Variants in GRAMD2B observed in about 807,000 individuals in gnomAD.
GRAMD2B encodes GRAM domain containing 2B.
Under a neutral mutation model 59.2 loss-of-function variants are expected in GRAMD2B, and 41 were observed. The observed-to-expected ratio is 0.69, with a 90% CI of 0.54 to 0.90. The LOEUF is 0.90. GRAMD2B is among the 40% of genes least tolerant of loss of function. The pLI, the probability that GRAMD2B is intolerant of heterozygous loss-of-function variation, is 0.00. For missense variants in GRAMD2B, 424 were observed against 500.5 expected (o/e 0.85, Z 1.46); for synonymous variants, 161 against 182.7 (o/e 0.88, Z 0.96).
At chr5:126,439,328 CTTTTT>C (rs930960414) in intron 1 of GRAMD2B, among the ~76,000 whole-genome samples, 2 of 122,566 alleles carry the variant, frequency 1.6e-5, no homozygotes, top group Admixed American at 8.1e-5. Flanking sequence ...TTTGGTTTTG[CTTTTT>C]TTTTTTTTTT....
At chr5:126,448,956 G>A (rs1242009597) in intron 1 of GRAMD2B, among the ~76,000 whole-genome samples, 2 of 152,176 alleles carry the variant, frequency 1.3e-5, no homozygotes, top group Admixed American at 6.5e-5. Flanking sequence ...ATGGTGTCAC[G>A]GGTATGAATG....
intron 1 of GRAMD2B, among the ~76,000 whole-genome samples, chr5:126,413,391 A>G (rs931878148): frequency 6.6e-6 from 1 of 152,060 alleles, no homozygotes; most frequent in Non-Finnish European, 1.5e-5. Flanking sequence ...AAGTTTTTAA[A>G]TTTCCATGTA....
At chr5:126,365,390 A>G (rs543724069) in intron 1 of GRAMD2B, among the ~76,000 whole-genome samples, 1 of 152,272 alleles carries the variant, frequency 6.6e-6, no homozygotes, top group Non-Finnish European at 1.5e-5. Flanking sequence ...ATCAATTTGC[A>G]TAAAATCAAA....
At chr5:126,462,116 A>C (rs1275823672) in intron 1 of GRAMD2B, among the ~76,000 whole-genome samples, 1 of 152,242 alleles carries the variant, frequency 6.6e-6, no homozygotes, top group African/African-American at 2.4e-5. Flanking sequence ...ATATTTGTTG[A>C]AAAAGGAGGA....
rs1040803972 is a variant in GRAMD2B, at chr5:126,398,739, T to C, written c.125+27172T>C. 3.3e-5 allele frequency among the ~76,000 whole-genome samples: 5 copies of C among 152,188 alleles called. No homozygotes were observed. In the East Asian group the frequency reaches 9.6e-4, roughly 29 times the overall value. On this transcript the variant is annotated intron_variant, in intron 1 of 8. Coordinates refer to the GRAMD2B transcript ENST00000506445. ...CTTCTTTAAAGTAGGCATTCATCAC[T>C]ATAAACTTTCCTTTTAGAACTGCTT...
chr5:126,393,724 A>C (rs1177518901), intron 1 of GRAMD2B, among the ~76,000 whole-genome samples: 1 of 152,230 alleles, frequency 6.6e-6, no homozygotes, highest in Non-Finnish European at 1.5e-5. Context: ...CCACTGAGGC[A>C]GGGTTTTACT....
At chr5:126,438,640 G>A (rs140357008) in intron 1 of GRAMD2B, among the ~76,000 whole-genome samples, 4 of 152,254 alleles carry the variant, frequency 2.6e-5, no homozygotes, top group Admixed American at 6.5e-5. Context: ...TCTAGGCACC[G>A]TTGAGGGCCC....
intron 1 of GRAMD2B, among the ~76,000 whole-genome samples, chr5:126,460,396 A>T (rs1055404566): frequency 6.6e-6 from 1 of 152,204 alleles, no homozygotes; most frequent in Non-Finnish European, 1.5e-5. Flanking sequence ...TGAAATTTAT[A>T]GTTGTCCAAA....
Position 126,488,821 on chromosome 5 carries a change from A to G in GRAMD2B, c.1186A>G (p.Arg396Gly). The G allele has an allele frequency of 6.2e-7, 1 of 1,613,628 alleles. No individual in the cohort carries two copies. Among genetic ancestry groups the G allele is most frequent in the Non-Finnish European group, 8.5e-7 (1 of 1,179,614 alleles). The change falls in exon 13 of 14, where the codon AGG (arginine) becomes GGG (glycine). Residue 396 changes from arginine to glycine, a missense_variant. Physicochemically the swap from Arg to Gly is moderately radical, Grantham distance 125 (BLOSUM62 -2). Transcript: ENST00000285689. ...NTEQAAPSGL[R>G]SQVQFNVEVL... is the part of the protein sequence containing the mutation. ...CAGACAGGCAGCACCATCTGGCCTG[A>G]GGTCACAAGTACAATTCAATGTGGA...
intron 1 of GRAMD2B, among the ~76,000 whole-genome samples, chr5:126,412,257 G>A (rs1758875826): frequency 6.6e-6 from 1 of 151,978 alleles, no homozygotes; most frequent in Admixed American, 6.6e-5. Context: ...GTCCTAGATG[G>A]CTCTTACTAT....
intron 1 of GRAMD2B, among the ~76,000 whole-genome samples, chr5:126,395,535 G>A (rs1382164808): frequency 2.0e-5 from 3 of 152,116 alleles, no homozygotes; most frequent in Middle Eastern, 3.2e-3. Flanking sequence ...TCACAAACAT[G>A]TCTTGATGGG....
intron 10 of GRAMD2B, 62 bp downstream of exon 10, chr5:126,484,586 T>C: frequency 1.9e-6 from 2 of 1,060,316 alleles, no homozygotes; most frequent in South Asian, 4.4e-5. Context: ...GTTTGTAACT[T>C]TTTTTTTTTT....
At chr5:126,392,575 TC>T (rs1756917248) in intron 1 of GRAMD2B, among the ~76,000 whole-genome samples, 1 of 152,126 alleles carries the variant, frequency 6.6e-6, no homozygotes, top group Non-Finnish European at 1.5e-5. Flanking sequence ...TCAACATAAA[TC>T]CTATTATTTG....
At chr5:126,434,626 A>T (rs182729072) in intron 1 of GRAMD2B, among the ~76,000 whole-genome samples, 4,146 of 151,342 alleles carry the variant, frequency 0.027, 69 homozygotes, top group Middle Eastern at 0.034. Context: ...CACACCATTC[A>T]CCTGCCTCAG....
intron 1 of GRAMD2B, among the ~76,000 whole-genome samples, chr5:126,363,283 C>A (rs561764259): frequency 6.6e-6 from 1 of 152,136 alleles, no homozygotes; most frequent in South Asian, 2.1e-4. Context: ...CACTTCATAC[C>A]CACTCGAATG....
chr5:126,493,041 C>A lies in GRAMD2B; in HGVS notation c.*85C>A. 1 of 1,010,722 alleles carries A rather than the reference C, an allele frequency of 9.9e-7. No homozygotes were observed. Among genetic ancestry groups the A allele is most frequent in the Non-Finnish European group, 1.6e-6 (1 of 639,700 alleles). 62.6% of individuals were successfully genotyped at this position (1,010,722 alleles called of 1,614,324 possible). On this transcript the variant is annotated 3_prime_UTR_variant, in exon 14 of 14. Coordinates refer to ENST00000285689, the MANE Select transcript of GRAMD2B (RefSeq NM_023927.4). Reference sequence around the variant, plus strand: ...CTGAGGCGTTTTGTTTGAGTGCACCCTGCTGGTCAGAGGTGCAAGCAGATG... The same window carrying A: ...CTGAGGCGTTTTGTTTGAGTGCACCATGCTGGTCAGAGGTGCAAGCAGATG...
At chr5:126,444,367 G>A (rs1749464675) in intron 1 of GRAMD2B, among the ~76,000 whole-genome samples, 1 of 152,182 alleles carries the variant, frequency 6.6e-6, no homozygotes, top group Non-Finnish European at 1.5e-5. Flanking sequence ...GGTATCTGAA[G>A]CCATTCAAGG....
chr5:126,455,427 A>G (rs370972082), intron 1 of GRAMD2B, among the ~76,000 whole-genome samples: 9 of 148,686 alleles, frequency 6.1e-5, no homozygotes, highest in Non-Finnish European at 1.3e-4. Context: ...TGTACTTCAG[A>G]AAAAAAAAAC....
intron 1 of GRAMD2B, among the ~76,000 whole-genome samples, chr5:126,461,158 T>C (rs4835905): frequency 0.88 from 134,214 of 152,188 alleles, 59,932 homozygotes; most frequent in East Asian, 1. Context: ...AGCTTCTACC[T>C]TCAGCTACTT....
Sources: gnomAD v4.1 joint callset for allele counts (sites outside exome capture counted in the v4.1 genomes callset) on GRCh38, gnomAD v4.1.1 for gene constraint, MANE v1.5 for transcripts, NCBI Gene and HGNC (gene_info 2026-07-23, HGNC 2026-07-21) for gene names.